Variants in PDLIM5 observed in about 807,000 individuals in gnomAD.
PDLIM5 encodes the protein PDZ and LIM domain protein 5.
PDLIM5 carries 34 observed loss-of-function variants against 64.2 expected under a neutral mutation model. The ratio of observed to expected loss-of-function variants is 0.53; its 90% CI spans 0.40 to 0.71. The LOEUF (loss-of-function observed/expected upper bound fraction) is 0.71, where lower values mean the gene tolerates loss of function less well. Among genes scored for constraint, PDLIM5 ranks in the 30% least tolerant of loss-of-function variants. PDLIM5 has a pLI of 0.00. For synonymous variants in PDLIM5, 253 were observed against 269.1 expected (o/e 0.94, Z 0.59); for missense variants, 683 against 733.6 (o/e 0.93, Z 0.80).
chr4:94,664,103 G>A lies in PDLIM5; in HGVS notation c.*36G>A. 1.4e-6 allele frequency: 2 copies of A among 1,468,298 alleles called. No homozygotes were observed. Among genetic ancestry groups the A allele is most frequent in the Admixed American group, 2.2e-5 (1 of 44,934 alleles). The allele number at this position is 1,468,298 out of a possible 1,614,324, so 91.0% of individuals were successfully genotyped here. On this transcript the variant is annotated 3_prime_UTR_variant, in exon 13 of 13. Transcript: ENST00000317968. ...TTCAGGAGAAGAGAAGGAATTTGAAGAGAAAAAGGAAAATTAAAATTACTA... is the reference window on the plus strand; with the variant it reads ...TTCAGGAGAAGAGAAGGAATTTGAAAAGAAAAAGGAAAATTAAAATTACTA...
chr4:94,561,696 A>T (rs1272451578), intron 3 of PDLIM5, among the ~76,000 whole-genome samples: 3 of 152,182 alleles, frequency 2.0e-5, no homozygotes, highest in Non-Finnish European at 4.4e-5. Flanking sequence ...GAAGACTCAG[A>T]TTAGAGGTTA....
At chr4:94,637,322 A>G (rs1409311614) in intron 8 of PDLIM5, among the ~76,000 whole-genome samples, 1 of 152,170 alleles carries the variant, frequency 6.6e-6, no homozygotes, top group Non-Finnish European at 1.5e-5. Context: ...GCACTTTGGG[A>G]GGCTGAGGCA....
chr4:94,579,170 T>C (rs142259270), intron 5 of PDLIM5: 151 of 162,768 alleles, frequency 9.3e-4, no homozygotes, highest in Non-Finnish European at 1.5e-3. Flanking sequence ...GTTAAGAAAA[T>C]TTAAATCTTT....
chr4:94,534,947 G>T (rs1385977823), intron 3 of PDLIM5, among the ~76,000 whole-genome samples: 1 of 152,168 alleles, frequency 6.6e-6, no homozygotes, highest in Non-Finnish European at 1.5e-5. Flanking sequence ...CCAAGCAAAT[G>T]TTGACCAACT....
At position 94,478,809 on chromosome 4, in the gene PDLIM5, A is replaced by G. The variant is rs116634317; in HGVS notation, c.96+23425A>G. Among the ~76,000 whole-genome samples the G allele has an allele frequency of 5.5e-3, 834 of 151,464 alleles. 5 individuals carry two copies. The highest frequency in any genetic ancestry group is 9.0e-3 in the Non-Finnish European group (613 of 67,900). On this transcript the variant is annotated intron_variant, in intron 2 of 12. Transcript: ENST00000317968. ...TATATAGAATCAGTGATTTTTTAAG[A>G]CAGTGCTGTTTTTCATTAAAATTAT...
chr4:94,593,498 A>T (rs1473305579), intron 7 of PDLIM5, among the ~76,000 whole-genome samples: 1 of 151,934 alleles, frequency 6.6e-6, no homozygotes, highest in Non-Finnish European at 1.5e-5. Flanking sequence ...GTCTCCTCAC[A>T]TGGCTTTTTC....
Position 94,505,381 on chromosome 4 carries a change from C to T in PDLIM5, c.97-18343C>T, listed in dbSNP as rs186043050. On this transcript the variant is annotated intron_variant, in intron 2 of 12. Transcript: ENST00000317968. ...TCAAGCGATTCTTGTGCCTCAACTA[C>T]CCGAGTAGCTGGGATTACAGTTGTG... is the stretch of plus-strand genomic sequence containing the variant. Among the ~76,000 whole-genome samples, 16 of 152,242 alleles carry T rather than the reference C, an allele frequency of 1.1e-4. No homozygotes were observed. The East Asian group carries it at 3.1e-3, about 29-fold the overall frequency.
chr4:94,667,861 C>T lies in PDLIM5; in HGVS notation c.*3794C>T, dbSNP rs190144928. The stretch of plus-strand genomic sequence containing the variant: ...AAATAATTTCTTCTTTACCCCCGTT[C>T]CAGTGTGAATCTAGTATTCTGTTAA... On this transcript the variant is annotated 3_prime_UTR_variant, in exon 13 of 13. Transcript: ENST00000317968. 77 of 152,200 alleles carry T rather than the reference C, an allele frequency of 5.1e-4. No homozygotes were observed. The highest frequency in any genetic ancestry group is 4.4e-5 in the Non-Finnish European group (3 of 68,004). 9.4% of individuals were successfully genotyped at this position (152,200 alleles called of 1,614,324 possible).
intron 5 of PDLIM5, among the ~76,000 whole-genome samples, chr4:94,576,259 A>G (rs1271560119): frequency 6.8e-6 from 1 of 147,450 alleles, no homozygotes; most frequent in Non-Finnish European, 1.5e-5. Context: ...GTTCTGAACC[A>G]TGTAACATCT....
chr4:94,463,153 A>T (rs1724048778), intron 2 of PDLIM5, among the ~76,000 whole-genome samples: 1 of 152,228 alleles, frequency 6.6e-6, no homozygotes, highest in African/African-American at 2.4e-5. Context: ...GCCCTGTCAT[A>T]GACTTTTTGG....
chr4:94,520,538 T>C (rs1483342951), intron 2 of PDLIM5, among the ~76,000 whole-genome samples: 2 of 152,328 alleles, frequency 1.3e-5, no homozygotes, highest in South Asian at 2.1e-4. Flanking sequence ...TAATGCTACA[T>C]CCTACCCAAT....
rs555687551 is a variant in PDLIM5 at position 94,558,719 on chromosome 4, T to A, written c.249-14632T>A. The stretch of plus-strand genomic sequence containing the variant: ...GGGGATAAAAATGTCGGCTTTCTGG[T>A]TTTTCTTGTTGCTTTTTTTTTTATT... On this transcript the variant is annotated intron_variant, in intron 3 of 12. Coordinates refer to ENST00000317968, the MANE Select transcript of PDLIM5 (RefSeq NM_006457.5). Among the ~76,000 whole-genome samples, 27 of 152,136 alleles carry A rather than the reference T, an allele frequency of 1.8e-4. 1 individual carries two copies. The South Asian group carries it at 5.6e-3, about 32-fold the overall frequency.
intron 3 of PDLIM5, among the ~76,000 whole-genome samples, chr4:94,535,539 C>G (rs1731244654): frequency 6.6e-6 from 1 of 152,186 alleles, no homozygotes; most frequent in African/African-American, 2.4e-5. Context: ...CCTTCCTTGC[C>G]TGAACCTCCC....
At chr4:94,560,826 A>T (rs1733772525) in intron 3 of PDLIM5, among the ~76,000 whole-genome samples, 1 of 152,124 alleles carries the variant, frequency 6.6e-6, no homozygotes, top group Admixed American at 6.6e-5. Context: ...TCCCGGGTTC[A>T]CGCCATTCTC....
At chr4:94,581,857 G>A (rs182264102) in intron 5 of PDLIM5, among the ~76,000 whole-genome samples, 1 of 152,250 alleles carries the variant, frequency 6.6e-6, no homozygotes, top group Non-Finnish European at 1.5e-5. Context: ...ATGTTTTGAG[G>A]TTCTTCCACT....
At chr4:94,633,982 C>T (rs370283573) in intron 8 of PDLIM5, among the ~76,000 whole-genome samples, 4 of 152,100 alleles carry the variant, frequency 2.6e-5, no homozygotes, top group African/African-American at 9.7e-5. Context: ...GAATCAGAAG[C>T]ACGCTGGCCA....
chr4:94,523,859 A>T lies in PDLIM5; in HGVS notation c.232A>T (p.Asn78Tyr). 1 of 1,612,260 alleles carries T rather than the reference A, an allele frequency of 6.2e-7. No homozygotes were observed. The highest frequency in any genetic ancestry group is 8.5e-7 in the Non-Finnish European group (1 of 1,178,850). ...GATTAAGGGTTGTACAGGCTCTTTGAATATGACTCTGCAAAGGTAAGTTGC... is the reference window on the plus strand; with the variant it reads ...GATTAAGGGTTGTACAGGCTCTTTGTATATGACTCTGCAAAGGTAAGTTGC... ...NKIKGCTGSL[N>Y]MTLQRASAAP... The change falls in exon 3 of 13, where the codon AAT becomes TAT. Residue 78 changes from asparagine to tyrosine, a missense_variant. Physicochemically the swap from Asn to Tyr is moderately radical, Grantham distance 143. Transcript: ENST00000317968.
chr4:94,598,642 TGGTTTCTA>T (rs1346491903), intron 7 of PDLIM5, among the ~76,000 whole-genome samples: 3 of 152,124 alleles, frequency 2.0e-5, no homozygotes, highest in African/African-American at 7.2e-5. Context: ...TTATTTGTGC[TGGTTTCTA>T]GGAAAATGAA....
intron 3 of PDLIM5, among the ~76,000 whole-genome samples, chr4:94,530,631 C>T (rs1179195171): frequency 6.6e-6 from 1 of 151,194 alleles, no homozygotes; most frequent in Non-Finnish European, 1.5e-5. Context: ...ATTCTTCAAA[C>T]TTCATTTACT....
Sources: allele counts gnomAD v4.1 joint callset (sites outside exome capture counted in the v4.1 genomes callset), GRCh38; gene constraint gnomAD v4.1.1; transcripts MANE v1.5; gene names NCBI Gene and HGNC (gene_info 2026-07-23, HGNC 2026-07-21).